TRPC7: variants seen among roughly 807,000 people sequenced by gnomAD.
The protein encoded by TRPC7 is transient receptor potential cation channel subfamily C member 7, also known as short transient receptor potential channel 7.
Under a neutral mutation model 90.1 loss-of-function variants are expected in TRPC7, and 42 were observed. That is an observed-to-expected ratio of 0.47 (90% confidence interval 0.36 to 0.60). The LOEUF (loss-of-function observed/expected upper bound fraction) is 0.60. Ranked by LOEUF, TRPC7 falls within the 20% of genes least tolerant of loss-of-function variation. The pLI, the probability that TRPC7 is intolerant of heterozygous loss-of-function variation, is 0.00. For missense variants in TRPC7, 955 were observed against 1,112.3 expected (o/e 0.86, Z 2.01); for synonymous variants, 451 against 436.3 (o/e 1.03, Z -0.42).
rs1378359253 is a variant in TRPC7, at chr5:136,226,129, T to C, written c.2167A>G (p.Met723Val). ...PSPKSFYYLIMRIKMCLIKLC... is the reference protein window; with the variant it reads ...PSPKSFYYLIVRIKMCLIKLC... ...TTTATGAGGCACATCTTGATTCTCA[T>C]TATGAGATAATAAAATGATTTAGGA... is the stretch of plus-strand genomic sequence containing the variant. The change falls in exon 9 of 12, where the codon ATG (methionine) becomes GTG (valine). Residue 723 changes from methionine (M) to valine (V), a missense_variant. By Grantham distance (21) the Met-to-Val change is conservative. This residue lies in a region of TRPC7 where 296 missense variants were observed against 422.7 expected (regional missense o/e 0.70). Transcript: ENST00000513104. 6.3e-7 allele frequency: 1 copy of C among 1,591,424 alleles called. No homozygotes were observed. Among genetic ancestry groups the C allele is most frequent in the Admixed American group, 1.8e-5 (1 of 56,854 alleles).
chr5:136,297,391 A>C (rs1758218344), intron 3 of TRPC7, among the ~76,000 whole-genome samples: 1 of 152,188 alleles, frequency 6.6e-6, no homozygotes, highest in Non-Finnish European at 1.5e-5. Context: ...TAAGCATAGC[A>C]GTCAGGCAAT....
At chr5:136,235,161 G>A (rs1755944952) in intron 7 of TRPC7, among the ~76,000 whole-genome samples, 1 of 152,106 alleles carries the variant, frequency 6.6e-6, no homozygotes, top group Non-Finnish European at 1.5e-5. Context: ...AGAAGACTGA[G>A]AAAAGAATTG....
chr5:136,234,397 C>T (rs541995069), intron 7 of TRPC7, among the ~76,000 whole-genome samples: 4 of 152,152 alleles, frequency 2.6e-5, no homozygotes, highest in East Asian at 3.9e-4. Context: ...GCAACCTCCG[C>T]GTCCTGGGTT....
At chr5:136,320,243 C>T (rs1442782336) in intron 2 of TRPC7, among the ~76,000 whole-genome samples, 1 of 152,038 alleles carries the variant, frequency 6.6e-6, no homozygotes, top group Non-Finnish European at 1.5e-5. Flanking sequence ...CCTGCAAGTT[C>T]TACTTGCCAA....
intron 3 of TRPC7, among the ~76,000 whole-genome samples, chr5:136,313,727 A>T (rs1356455728): frequency 1.3e-5 from 2 of 152,182 alleles, no homozygotes; most frequent in Non-Finnish European, 2.9e-5. Flanking sequence ...CAGGTCATTT[A>T]TCATCTTCCT....
At chr5:136,305,064 T>C (rs1350098917) in intron 3 of TRPC7, among the ~76,000 whole-genome samples, 2 of 152,186 alleles carry the variant, frequency 1.3e-5, no homozygotes, top group Non-Finnish European at 2.9e-5. Flanking sequence ...TTCTTCCTCA[T>C]ACCTGACGCA....
intron 4 of TRPC7, among the ~76,000 whole-genome samples, chr5:136,269,803 T>C (rs1297202912): frequency 2.0e-5 from 3 of 152,180 alleles, no homozygotes; most frequent in Non-Finnish European, 2.9e-5. Flanking sequence ...ATGTCTAACA[T>C]AGGGCTCAGG....
chr5:136,266,557 T>G (rs1406743083), intron 4 of TRPC7, 121 bp from the exon 5 acceptor site: 1 of 845,638 alleles, frequency 1.2e-6, no homozygotes, highest in African/African-American at 1.7e-5. Context: ...CAGAAACTGC[T>G]AACTGAACCC....
chr5:136,362,811 T>C (rs1760610156), intron 1 of TRPC7, among the ~76,000 whole-genome samples: 1 of 152,166 alleles, frequency 6.6e-6, no homozygotes, highest in Non-Finnish European at 1.5e-5. Flanking sequence ...CTTTTTCCAT[T>C]AGAGTTCAAG....
In TRPC7 at chr5:136,350,695, C is replaced by T. The variant is rs190810685; in HGVS notation, c.780+5913G>A. Among the ~76,000 whole-genome samples the T allele has an allele frequency of 4.8e-3, 737 of 152,298 alleles. 4 individuals carry two copies. Among genetic ancestry groups the T allele is most frequent in the Non-Finnish European group, 7.5e-3 (511 of 68,024 alleles). On this transcript the variant is annotated intron_variant, in intron 2 of 11. Coordinates refer to ENST00000513104, the MANE Select transcript of TRPC7 (RefSeq NM_020389.3). ...TGGGTCTTGCTCTCAGGTATGGGGT[C>T]CTGTGTCCAGACCCTAGTGTGGCCC...
At position 136,357,265 on chromosome 5, in the gene TRPC7, C is replaced by A. The variant is rs1387769945; in HGVS notation, c.123G>T (p.Thr41=). The A allele has an allele frequency of 1.2e-6, 2 of 1,613,352 alleles. No individual in the cohort carries two copies. Among genetic ancestry groups the A allele is most frequent in the Non-Finnish European group, 1.7e-6 (2 of 1,179,920 alleles). The part of the protein sequence containing the change: ...YMFNEKGTSL[T]PEEERFLDSA... ...AGTCCAGGAAGCGCTCCTCCTCGGG[C>A]GTCAGACTGGTGCCCTTCTCGTTGA... The change falls in exon 2 of 12, where the codon ACG becomes ACT. Residue 41 remains threonine, a synonymous_variant. Transcript: ENST00000513104.
intron 2 of TRPC7, 135 bp downstream of exon 2, chr5:136,356,473 C>G: frequency 1.1e-6 from 1 of 896,332 alleles, no homozygotes; most frequent in Non-Finnish European, 1.6e-6. Flanking sequence ...GTGTTCCCCT[C>G]CTCCCCTGGG....
chr5:136,334,568 C>G (rs947759628), intron 2 of TRPC7, among the ~76,000 whole-genome samples: 1 of 152,206 alleles, frequency 6.6e-6, no homozygotes, highest in Non-Finnish European at 1.5e-5. Flanking sequence ...AAAAGCAACT[C>G]CAGGATGGCT....
chr5:136,281,105 C>G (rs931805999), intron 3 of TRPC7, among the ~76,000 whole-genome samples: 1 of 152,180 alleles, frequency 6.6e-6, no homozygotes, highest in Non-Finnish European at 1.5e-5. Flanking sequence ...TTTTCCATTT[C>G]CCCAAAGACC....
At chr5:136,360,563 G>C (rs1028936184) in intron 1 of TRPC7, among the ~76,000 whole-genome samples, 5 of 152,140 alleles carry the variant, frequency 3.3e-5, no homozygotes, top group African/African-American at 1.2e-4. Context: ...CTTGAAAGCA[G>C]ACACCCAGAT....
intron 5 of TRPC7, among the ~76,000 whole-genome samples, chr5:136,257,049 C>T (rs1756707991): frequency 1.3e-5 from 2 of 152,228 alleles, no homozygotes; most frequent in South Asian, 4.1e-4. Flanking sequence ...CACAGGCCCA[C>T]ATGTGGGCAC....
At chr5:136,213,680 G>A (rs1755166223) in intron 11 of TRPC7, 76 bp from the exon 12 acceptor site, 3 of 1,508,314 alleles carry the variant, frequency 2.0e-6, no homozygotes, top group East Asian at 2.3e-5. Flanking sequence ...ATGTGGGCAT[G>A]TGCATCCTTC....
chr5:136,254,165 G>A (rs576934668), intron 5 of TRPC7, among the ~76,000 whole-genome samples: 1 of 152,374 alleles, frequency 6.6e-6, no homozygotes, highest in African/African-American at 2.4e-5. Context: ...GAAGCACCAA[G>A]TGCTGATGCA....
chr5:136,267,043 C>A lies in TRPC7; in HGVS notation c.1129-607G>T, dbSNP rs577712510. 1.5e-4 allele frequency among the ~76,000 whole-genome samples: 23 copies of A among 151,912 alleles called. 1 individual carries two copies. The highest frequency in any genetic ancestry group is 5.5e-4 in the African/African-American group (23 of 41,490). Reference sequence around the variant, plus strand: ...TTTCCAGACATAGAGGACTTTTTTTCTCCCTGCTTTAAAAAATTTGAATTT... The same window carrying A: ...TTTCCAGACATAGAGGACTTTTTTTATCCCTGCTTTAAAAAATTTGAATTT... On this transcript the variant is annotated intron_variant, in intron 4 of 11. Transcript: ENST00000513104.
Sources: gnomAD v4.1 joint callset for allele counts (sites outside exome capture counted in the v4.1 genomes callset) on GRCh38, gnomAD v4.1.1 for gene constraint, gnomAD v4.1.1 regional missense constraint, MANE v1.5 for transcripts, NCBI Gene and HGNC (gene_info 2026-07-23, HGNC 2026-07-21) for gene names.